TAF9: variants seen among roughly 807,000 people sequenced by gnomAD.
TAF9 encodes the protein TATA-box binding protein associated factor 9.
A neutral mutation model predicts 16.5 loss-of-function variants in TAF9; 10 were observed. The observed-to-expected ratio is 0.61, with a 90% confidence interval of 0.37 to 1.03. The LOEUF (loss-of-function observed/expected upper bound fraction) is 1.03. Ranked by LOEUF, TAF9 falls within the 50% of genes least tolerant of loss-of-function variation. The pLI is 0.01. For missense variants in TAF9, 288 were observed against 319.1 expected (o/e 0.90, Z 0.74); for synonymous variants, 105 against 120.5 (o/e 0.87, Z 0.84).
In TAF9 at chr5:69,366,541, C is replaced by T. The variant is rs1431731970; in HGVS notation, c.-56G>A. 8.7e-6 allele frequency: 14 copies of T among 1,613,916 alleles called. No individual in the cohort carries two copies. The highest frequency in any genetic ancestry group is 1.2e-5 in the Non-Finnish European group (14 of 1,180,022). On this transcript the variant is annotated 5_prime_UTR_variant, in exon 2 of 3. Coordinates refer to ENST00000217893, the MANE Select transcript of TAF9 (RefSeq NM_003187.5). Reference sequence around the variant, plus strand: ...ATCACCCACATTAATGTATTTCAGTCCTGATTTTGACGCAAGTTCTTTGCC... The same window carrying T: ...ATCACCCACATTAATGTATTTCAGTTCTGATTTTGACGCAAGTTCTTTGCC...
chr5:69,369,494 C>A lies in TAF9; in HGVS notation c.-142G>T, dbSNP rs750739293. ...GCAGGATGTTCGGAAGCAACATGGT[C>A]CCCGCCGCGACGGCTTCGGGCGCCT... On this transcript the variant is annotated 5_prime_UTR_variant, in exon 1 of 3. Coordinates refer to ENST00000217893, the MANE Select transcript of TAF9 (RefSeq NM_003187.5). 6.2e-7 allele frequency: 1 copy of A among 1,611,580 alleles called. No homozygotes were observed. Among genetic ancestry groups the A allele is most frequent in the Non-Finnish European group, 8.5e-7 (1 of 1,179,348 alleles).
chr5:69,364,843 AG>A lies in TAF9; in HGVS notation c.*99del. On this transcript the variant is annotated 3_prime_UTR_variant, in exon 3 of 3. Coordinates refer to ENST00000217893, the MANE Select transcript of TAF9 (RefSeq NM_003187.5). ...GTAACTGTGTTTACTCATTATTATT[AG>A]TTTTCTAAAACACAACTTGAAAACA... 1 of 1,026,060 alleles carries A rather than the reference AG, an allele frequency of 9.7e-7. No individual in the cohort carries two copies. Among genetic ancestry groups the A allele is most frequent in the Non-Finnish European group, 1.4e-6 (1 of 697,710 alleles). The allele number at this position is 1,026,060 out of a possible 1,614,324, so 63.6% of individuals were successfully genotyped here. A position where few individuals can be genotyped will look rare whatever the true frequency, so the allele number is the denominator to read the frequency against.
upstream of TAF9, chr5:69,369,572 C>T (rs1762776513): frequency 6.2e-7 from 1 of 1,606,064 alleles, no homozygotes; most frequent in African/African-American, 1.3e-5. Context: ...CGGGCGGCAG[C>T]AAAAGCCCAC....
rs1378178236 is a variant in TAF9, at chr5:69,365,551, T to C, written c.187A>G (p.Lys63Glu). The C allele has an allele frequency of 1.2e-6, 2 of 1,614,052 alleles. No individual in the cohort carries two copies. The highest frequency in any genetic ancestry group is 1.7e-6 in the Non-Finnish European group (2 of 1,179,946). Residue 63 changes from lysine to glutamate, a missense_variant, in exon 3 of 3, where the codon AAA (lysine) becomes GAA (glutamate). Transcript: ENST00000217893. ...DAKIYSSHAK[K>E]ATVDADDVRL... Reference sequence around the variant, plus strand: ...ACATCATCTGCATCAACAGTAGCTTTCTTAGCATGGCTTGAATAAATTTTT... The same window carrying C: ...ACATCATCTGCATCAACAGTAGCTTCCTTAGCATGGCTTGAATAAATTTTT...
At position 69,365,078 on chromosome 5, in the gene TAF9, C is replaced by T. The variant is rs774230317; in HGVS notation, c.660G>A (p.Gly220=). The T allele has an allele frequency of 2.5e-6, 4 of 1,614,088 alleles. No homozygotes were observed. The Admixed American group carries it at 5.0e-5, about 20-fold the overall frequency. The change falls in exon 3 of 3, where the codon GGG becomes GGA. Residue 220 remains glycine (G), a synonymous_variant. Coordinates refer to ENST00000217893, the MANE Select transcript of TAF9 (RefSeq NM_003187.5). ...QNVLINPSLI[G]SKNILITTNM... ...TAGTGGTAATAAGAATGTTTTTGGA[C>T]CCGATTAATGATGGATTAATCAGAA...
chr5:69,369,351 G>T (rs1030647144), intron 1 of TAF9, 112 bp downstream of exon 1: 5 of 1,202,952 alleles, frequency 4.2e-6, no homozygotes, highest in Non-Finnish European at 5.5e-6. Context: ...CGTGGCCCTC[G>T]GCCGGCCTCT....
intron 2 of TAF9, 51 bp downstream of exon 2, chr5:69,366,452 C>T (rs750392086): frequency 3.4e-6 from 5 of 1,465,896 alleles, no homozygotes; most frequent in Non-Finnish European, 4.8e-6. Flanking sequence ...ACTCCACTTA[C>T]CAGACCTTAA....
At position 69,365,143 on chromosome 5, in the gene TAF9, C is replaced by T. The variant is rs369915657; in HGVS notation, c.595G>A (p.Val199Ile). 1.2e-6 allele frequency: 2 copies of T among 1,614,052 alleles called. No homozygotes were observed. Among genetic ancestry groups the T allele is most frequent in the African/African-American group, 2.7e-5 (2 of 74,924 alleles). ...VQMPTSQSPA[V>I]KASIPATSAV... is the part of the protein sequence containing the mutation. The stretch of plus-strand genomic sequence containing the variant: ...GAGGTTGCAGGAATTGAAGCTTTTA[C>T]AGCTGGAGACTGAGAAGTAGGCATC... The change falls in exon 3 of 3, where the codon GTA becomes ATA. Residue 199 changes from valine (V) to isoleucine (I), a missense_variant. Transcript: ENST00000217893.
At chr5:69,369,635 C>T (rs4252217), upstream of TAF9, 29,710 of 1,564,708 alleles carry the variant, frequency 0.019, 346 homozygotes, top group Middle Eastern at 0.022. Context: ...CCCCGGCGGC[C>T]CAGCCGCGGC....
chr5:69,367,362 T>G (rs1238482467), intron 1 of TAF9, among the ~76,000 whole-genome samples: 1 of 151,406 alleles, frequency 6.6e-6, no homozygotes, highest in Non-Finnish European at 1.5e-5. Context: ...ATACAAAAAT[T>G]AGCCGGGCGT....
upstream of TAF9, chr5:69,369,801 A>G: frequency 7.7e-7 from 1 of 1,292,544 alleles, no homozygotes; most frequent in East Asian, 2.6e-5. Context: ...ACCAGTCTGG[A>G]AGGTCCCCGG....
intron 1 of TAF9, among the ~76,000 whole-genome samples, chr5:69,368,173 ACT>A (rs957554752): frequency 6.6e-6 from 1 of 152,122 alleles, no homozygotes; most frequent in Non-Finnish European, 1.5e-5. Flanking sequence ...ATATGTACAT[ACT>A]CTTTGTTATA....
rs1337275918 is a variant in TAF9 at position 69,364,881 on chromosome 5, T to C, written c.*62A>G. The stretch of plus-strand genomic sequence containing the variant: ...ACAACTTGAAAACATCCAGCATGCA[T>C]GTTTAATATCAGTACAATGAATTCA... On this transcript the variant is annotated 3_prime_UTR_variant, in exon 3 of 3. Coordinates refer to ENST00000217893, the MANE Select transcript of TAF9 (RefSeq NM_003187.5). 4 of 1,419,738 alleles carry C rather than the reference T, an allele frequency of 2.8e-6. No individual in the cohort carries two copies. The highest frequency in any genetic ancestry group is 2.6e-5 in the South Asian group (2 of 77,030). 87.9% of individuals were successfully genotyped at this position (1,419,738 alleles called of 1,614,324 possible).
chr5:69,365,447 C>T lies in TAF9; in HGVS notation c.291G>A (p.Arg97=). 2 of 1,614,088 alleles carry T rather than the reference C, an allele frequency of 1.2e-6. No individual in the cohort carries two copies. Among genetic ancestry groups the T allele is most frequent in the Non-Finnish European group, 1.7e-6 (2 of 1,180,032 alleles). The change falls in exon 3 of 3, where the codon AGG becomes AGA. Residue 97 remains arginine, a synonymous_variant. Transcript: ENST00000217893. ...ATGGCAAAGGGGTTTGATTTCTTTG[C>T]CTTGCAATATCTAATAAAAAATCTC... The part of the protein sequence containing the change: ...PPRDFLLDIA[R]QRNQTPLPLI...
At chr5:69,367,982 T>C (rs1425429701) in intron 1 of TAF9, 2 of 152,194 alleles carry the variant, frequency 1.3e-5, no homozygotes, top group East Asian at 1.9e-4. Context: ...CTGGCCAACA[T>C]AATGAGACTC....
Position 69,366,511 on chromosome 5 carries a change from G to C in TAF9, c.-26C>G. Reference sequence around the variant, plus strand: ...ACCAAAGTGTCCCTTACCTTCTCGAGCTAAATCACCCACATTAATGTATTT... The same window carrying C: ...ACCAAAGTGTCCCTTACCTTCTCGACCTAAATCACCCACATTAATGTATTT... On this transcript the variant is annotated 5_prime_UTR_variant, in exon 2 of 3. Coordinates refer to ENST00000217893, the MANE Select transcript of TAF9 (RefSeq NM_003187.5). 2 of 1,612,960 alleles carry C rather than the reference G, an allele frequency of 1.2e-6. No individual in the cohort carries two copies. The highest frequency in any genetic ancestry group is 1.7e-6 in the Non-Finnish European group (2 of 1,179,578).
chr5:69,369,633 G>A (rs375175335), upstream of TAF9: 12 of 1,565,564 alleles, frequency 7.7e-6, no homozygotes, highest in Middle Eastern at 5.0e-4. Flanking sequence ...TGCCCCGGCG[G>A]CCCAGCCGCG....
At chr5:69,369,243 C>CCCCCCCCCCCA in intron 1 of TAF9, 1 of 261,300 alleles carries the variant, frequency 3.8e-6, no homozygotes, top group Non-Finnish European at 7.1e-6. Flanking sequence ...CCCGCCCCCC[C>CCCCCCCCCCCA]CCGGAGCCTC....
rs138121137 is a variant in TAF9 at position 69,365,124 on chromosome 5, G to A, written c.614C>T (p.Ala205Val). 8.1e-6 allele frequency: 13 copies of A among 1,614,110 alleles called. No homozygotes were observed. In the African/African-American group the frequency reaches 1.2e-4, roughly 15 times the overall value. Residue 205 changes from alanine to valine, a missense_variant, in exon 3 of 3, where the codon GCA becomes GTA. Transcript: ENST00000217893. ...CAGAACATTCTGAACTGCTGAGGTT[G>A]CAGGAATTGAAGCTTTTACAGCTGG... Reference protein sequence around the residue: ...QSPAVKASIPATSAVQNVLIN... With the variant: ...QSPAVKASIPVTSAVQNVLIN...
Sources: allele counts gnomAD v4.1 joint callset (sites outside exome capture counted in the v4.1 genomes callset), GRCh38; gene constraint gnomAD v4.1.1; transcripts MANE v1.5; gene names NCBI Gene and HGNC (gene_info 2026-07-23, HGNC 2026-07-21).